The following DCDC1 variants were observed in gnomAD, a reference collection of about 807,000 sequenced individuals.
DCDC1 encodes the protein doublecortin domain containing 1.
DCDC1 carries 200 observed loss-of-function variants against 178.3 expected under a neutral mutation model. The observed-to-expected ratio is 1.12, with a 90% CI of 1.00 to 1.26. The LOEUF (loss-of-function observed/expected upper bound fraction) is 1.26, where lower values mean the gene tolerates loss of function less well. DCDC1 is among the 50% of genes most tolerant of loss of function. The probability of loss-of-function intolerance (pLI) is 0.00; values close to 1 mark genes in which losing one functional copy is unlikely to be tolerated. For missense variants in DCDC1, 1,983 were observed against 1,749.2 expected (o/e 1.13, Z -2.38); for synonymous variants, 690 against 604.8 (o/e 1.14, Z -2.07).
intron 9 of DCDC1, among the ~76,000 whole-genome samples, chr11:31,190,266 T>C (rs1969991745): frequency 6.6e-6 from 1 of 152,182 alleles, no homozygotes; most frequent in South Asian, 2.1e-4. Flanking sequence ...TTACATTATC[T>C]ACATTTATAG....
At chr11:31,174,652 A>G (rs575220018) in intron 9 of DCDC1, among the ~76,000 whole-genome samples, 1 of 152,182 alleles carries the variant, frequency 6.6e-6, no homozygotes, top group Non-Finnish European at 1.5e-5. Flanking sequence ...AGGCTTGCCC[A>G]TAGCTGCCCA....
intron 8 of DCDC1, among the ~76,000 whole-genome samples, chr11:31,255,768 T>C (rs1318117715): frequency 1.3e-5 from 2 of 152,222 alleles, no homozygotes; most frequent in African/African-American, 4.8e-5. Context: ...TTCCATTCTA[T>C]GGTTTGTCTT....
At chr11:31,341,239 A>C (rs1011381636) in intron 1 of DCDC1, among the ~76,000 whole-genome samples, 1 of 152,180 alleles carries the variant, frequency 6.6e-6, no homozygotes, top group Non-Finnish European at 1.5e-5. Flanking sequence ...ACAGGTAGGG[A>C]ATTCAACAAC....
chr11:31,057,269 G>GAGGA (rs1338734313), intron 20 of DCDC1, among the ~76,000 whole-genome samples: 2 of 133,782 alleles, frequency 1.5e-5, no homozygotes, highest in African/African-American at 5.5e-5. Flanking sequence ...GGAAGGAAGG[G>GAGGA]AGGGAGGGAG....
At chr11:30,971,010 G>C (rs796599498) in intron 20 of DCDC1, among the ~76,000 whole-genome samples, 2 of 152,128 alleles carry the variant, frequency 1.3e-5, no homozygotes, top group South Asian at 4.1e-4. Flanking sequence ...CATCACAGCT[G>C]GTGCGCCCAC....
At chr11:30,885,624 G>A (rs1943096107) in intron 36 of DCDC1, among the ~76,000 whole-genome samples, 1 of 151,880 alleles carries the variant, frequency 6.6e-6, no homozygotes, top group Admixed American at 6.6e-5. Flanking sequence ...TTGAAATATG[G>A]GTATAACATT....
chr11:31,207,462 A>G (rs1971992206), intron 9 of DCDC1, among the ~76,000 whole-genome samples: 1 of 152,174 alleles, frequency 6.6e-6, no homozygotes, highest in Non-Finnish European at 1.5e-5. Context: ...GTTCCTAGCT[A>G]AAACAGGTAA....
At chr11:31,265,625 A>AT in intron 7 of DCDC1, 25 bp from the exon 8 acceptor site, 1 of 1,192,058 alleles carries the variant, frequency 8.4e-7, no homozygotes, top group African/African-American at 1.6e-5. Context: ...AAAATTATAA[A>AT]TAATTTAGTA....
chr11:30,903,707 T>C lies in DCDC1; in HGVS notation c.4309-24A>G, dbSNP rs1483557670. On this transcript the variant is annotated intron_variant, in intron 31 of 38. Coordinates refer to ENST00000684477, the MANE Select transcript of DCDC1 (RefSeq NM_001387274.1). ...AGCTAGATAACACAGGCAGTAAGGA[T>C]CTGACAGGCAAAGGTGATAGCATTG... The C allele has an allele frequency of 3.9e-6, 6 of 1,554,866 alleles. No homozygotes were observed. In the Admixed American group the frequency reaches 7.3e-5, roughly 19 times the overall value.
chr11:31,024,387 A>G (rs1953085259), intron 20 of DCDC1, among the ~76,000 whole-genome samples: 1 of 150,270 alleles, frequency 6.7e-6, no homozygotes, highest in Admixed American at 6.7e-5. Flanking sequence ...TTCCAAACTC[A>G]CACTCACAAT....
rs946862435 is a variant in DCDC1, at chr11:30,892,817, C to T, written c.5082+1G>A. On this transcript the variant is annotated splice_donor_variant, in intron 36 of 38. Transcript: ENST00000684477. LOFTEE classifies it high-confidence loss of function. ...AAACACTCCTTTCACACTAGATTTA[C>T]CTCTGAAATAGTTTTGCCCCAGGCA... 1.9e-6 allele frequency: 3 copies of T among 1,613,704 alleles called. No homozygotes were observed. The highest frequency in any genetic ancestry group is 2.2e-5 in the East Asian group (1 of 44,886).
At chr11:31,253,658 G>C (rs994520893) in intron 8 of DCDC1, among the ~76,000 whole-genome samples, 2 of 152,118 alleles carry the variant, frequency 1.3e-5, no homozygotes, top group Non-Finnish European at 2.9e-5. Context: ...CTGCCTTGTA[G>C]AAGACTCAGA....
intron 3 of DCDC1, among the ~76,000 whole-genome samples, chr11:31,326,815 T>A (rs986853985): frequency 6.6e-5 from 10 of 152,202 alleles, no homozygotes; most frequent in African/African-American, 2.2e-4. Context: ...TAACATAATC[T>A]TTAATTTATG....
intron 17 of DCDC1, among the ~76,000 whole-genome samples, chr11:31,089,601 G>A (rs896170617): frequency 6.2e-5 from 9 of 144,326 alleles, no homozygotes; most frequent in Non-Finnish European, 7.5e-5. Flanking sequence ...ACATCTCACT[G>A]ATGCTCCGTT....
intron 9 of DCDC1, among the ~76,000 whole-genome samples, chr11:31,221,694 T>C (rs568027242): frequency 4.6e-5 from 7 of 152,306 alleles, no homozygotes; most frequent in African/African-American, 1.4e-4. Context: ...GATAGCTAAT[T>C]AAGTTTATGA....
At position 30,952,446 on chromosome 11, in the gene DCDC1, T is replaced by C; in HGVS notation, c.2714A>G (p.Glu905Gly). The C allele has an allele frequency of 6.4e-7, 1 of 1,563,462 alleles. No homozygotes were observed. The highest frequency in any genetic ancestry group is 8.6e-7 in the Non-Finnish European group (1 of 1,156,798). ...WPVLPSGQLN[E>G]EFDWPIQGLL... ...ATCTCTTAAGCTAAGCAACACAACC[T>C]CATTAAGTTGGCCACTGGGAAGGAC... Residue 905 changes from glutamate (E) to glycine (G), a missense_variant and splice_region_variant, in exon 21 of 39, where the codon GAG becomes GGG. Physicochemically the swap from Glu to Gly is moderately conservative, Grantham distance 98 (BLOSUM62 -2). Coordinates refer to ENST00000684477, the MANE Select transcript of DCDC1 (RefSeq NM_001387274.1).
chr11:30,877,442 GTCT>G (rs1485908980), intron 38 of DCDC1, among the ~76,000 whole-genome samples: 4 of 152,258 alleles, frequency 2.6e-5, no homozygotes, highest in African/African-American at 4.8e-5. Flanking sequence ...TAATGGTTCT[GTCT>G]TCTTCTTGTA....
chr11:31,011,920 T>A (rs1952195234), intron 20 of DCDC1, among the ~76,000 whole-genome samples: 2 of 152,232 alleles, frequency 1.3e-5, no homozygotes, highest in South Asian at 4.1e-4. Flanking sequence ...TGTCGAATTG[T>A]AATCCCCAGC....
intron 8 of DCDC1, among the ~76,000 whole-genome samples, chr11:31,260,519 G>C (rs1944710885): frequency 6.6e-6 from 1 of 152,202 alleles, no homozygotes; most frequent in Non-Finnish European, 1.5e-5. Flanking sequence ...GAAATAGGAA[G>C]TGAACATTCA....
Sources: gnomAD v4.1 joint callset for allele counts (sites outside exome capture counted in the v4.1 genomes callset) on GRCh38, gnomAD v4.1.1 for gene constraint, MANE v1.5 for transcripts, NCBI Gene and HGNC (gene_info 2026-07-23, HGNC 2026-07-21) for gene names.